The following PARD3B variants were observed in gnomAD, a reference collection of about 807,000 sequenced individuals.
The protein encoded by PARD3B is partitioning defective 3 homolog B.
A neutral mutation model predicts 130.2 loss-of-function variants in PARD3B; 103 were observed. The ratio of observed to expected loss-of-function variants is 0.79; its 90% CI spans 0.67 to 0.93. The LOEUF (loss-of-function observed/expected upper bound fraction) is 0.93, where lower values mean the gene tolerates loss of function less well. PARD3B is among the 40% of genes least tolerant of loss of function. The probability of loss-of-function intolerance (pLI) is 0.00; values close to 1 mark genes in which losing one functional copy is unlikely to be tolerated. For missense variants in PARD3B, 1,609 were observed against 1,499.2 expected, an observed-to-expected ratio of 1.07 and a Z score of -1.21; for synonymous variants, 583 against 553.2, an observed-to-expected ratio of 1.05 and a Z score of -0.76.
chr2:204,648,377 G>A (rs1325769661), intron 1 of PARD3B, among the ~76,000 whole-genome samples: 3 of 150,136 alleles, frequency 2.0e-5, no homozygotes, highest in African/African-American at 7.3e-5. Context: ...GTATTCCATT[G>A]TTGGATATAT....
intron 20 of PARD3B, among the ~76,000 whole-genome samples, chr2:205,478,405 A>G (rs1389986645): frequency 2.6e-5 from 4 of 152,296 alleles, no homozygotes; most frequent in Non-Finnish European, 5.9e-5. Context: ...AGAGCATCAC[A>G]TTGAGTGGGT....
At position 205,180,351 on chromosome 2, in the gene PARD3B, A is replaced by G. The variant is rs528470555; in HGVS notation, c.1924+3774A>G. 5.9e-5 allele frequency among the ~76,000 whole-genome samples: 9 copies of G among 152,102 alleles called. No homozygotes were observed. In the South Asian group the frequency reaches 1.9e-3, roughly 32 times the overall value. Reference sequence around the variant, plus strand: ...ATATATAAACATGATGCTATAAAAGAGTATCATGGCCATCACGTCTTTGTA... The same window carrying G: ...ATATATAAACATGATGCTATAAAAGGGTATCATGGCCATCACGTCTTTGTA... On this transcript the variant is annotated intron_variant, in intron 13 of 22. Coordinates refer to ENST00000406610, the MANE Select transcript of PARD3B (RefSeq NM_001302769.2).
At chr2:205,507,213 T>TTTTC (rs2050404502) in intron 21 of PARD3B, among the ~76,000 whole-genome samples, 1 of 117,770 alleles carries the variant, frequency 8.5e-6, no homozygotes, top group South Asian at 3.4e-4. Context: ...TTTTTTTTTT[T>TTTTC]TTTTTTTTTT....
chr2:204,740,291 G>A (rs1406300635), intron 2 of PARD3B, among the ~76,000 whole-genome samples: 1 of 152,026 alleles, frequency 6.6e-6, no homozygotes, highest in East Asian at 1.9e-4. Context: ...CAAAGGGCTG[G>A]AATTACAAGT....
intron 3 of PARD3B, among the ~76,000 whole-genome samples, chr2:204,984,481 C>T (rs1692955968): frequency 6.6e-6 from 1 of 151,832 alleles, no homozygotes; most frequent in African/African-American, 2.4e-5. Flanking sequence ...TAGCCAGGGC[C>T]CTTAGGAGAA....
At chr2:205,264,492 G>T (rs931563529) in intron 16 of PARD3B, among the ~76,000 whole-genome samples, 2 of 151,010 alleles carry the variant, frequency 1.3e-5, no homozygotes, top group Non-Finnish European at 3.0e-5. Flanking sequence ...AAGTTAAATT[G>T]ACTTATATAT....
At chr2:204,554,572 CT>C (rs1171214683) in intron 1 of PARD3B, among the ~76,000 whole-genome samples, 4 of 151,874 alleles carry the variant, frequency 2.6e-5, no homozygotes, top group African/African-American at 9.7e-5. Context: ...ACTTTTCAGT[CT>C]CTTTCCTGTT....
At chr2:205,255,812 T>TG (rs2040058109) in intron 16 of PARD3B, among the ~76,000 whole-genome samples, 1 of 152,178 alleles carries the variant, frequency 6.6e-6, no homozygotes, top group African/African-American at 2.4e-5. Context: ...CTCCGTGTGT[T>TG]CAGCAATCTA....
At chr2:204,947,110 GT>G (rs1315013368) in intron 2 of PARD3B, among the ~76,000 whole-genome samples, 6 of 152,106 alleles carry the variant, frequency 3.9e-5, no homozygotes, top group Non-Finnish European at 2.9e-5. Context: ...CAGAAATAAG[GT>G]TTAACTGAAT....
intron 20 of PARD3B, among the ~76,000 whole-genome samples, chr2:205,451,177 C>A (rs2048089391): frequency 2.0e-5 from 3 of 152,202 alleles, no homozygotes; most frequent in Admixed American, 2.0e-4. Context: ...CATGTTGCAT[C>A]ATGATTCCAA....
chr2:205,280,912 G>A lies in PARD3B; in HGVS notation c.2186-19618G>A, dbSNP rs778068447. 3.9e-5 allele frequency among the ~76,000 whole-genome samples: 6 copies of A among 152,160 alleles called. No homozygotes were observed. The highest frequency in any genetic ancestry group is 5.9e-5 in the Non-Finnish European group (4 of 68,018). ...GCTGGCTGTTTCAAGATGCTGTGGC[G>A]TATTGATTCCTTTTATTACTAGCAG... On this transcript the variant is annotated intron_variant, in intron 16 of 22. Coordinates refer to ENST00000406610, the MANE Select transcript of PARD3B (RefSeq NM_001302769.2). This position sits in a 1 kb window ranked among gnomAD's most constrained non-coding sequence, Gnocchi z 4.7.
chr2:205,063,799 A>G (rs1700198372), intron 4 of PARD3B, among the ~76,000 whole-genome samples: 2 of 152,202 alleles, frequency 1.3e-5, no homozygotes, highest in African/African-American at 2.4e-5. Context: ...GGAATAGAAC[A>G]TATAAGAGAT....
intron 18 of PARD3B, among the ~76,000 whole-genome samples, chr2:205,314,658 T>C (rs71427779): frequency 0.027 from 4,148 of 152,278 alleles, 79 homozygotes; most frequent in Non-Finnish European, 0.038. Flanking sequence ...TACAAATATT[T>C]CATTGCACAT....
intron 2 of PARD3B, among the ~76,000 whole-genome samples, chr2:204,811,196 TTTC>T (rs2125523472): frequency 6.6e-6 from 1 of 152,256 alleles, no homozygotes; most frequent in Admixed American, 6.5e-5. Context: ...TTGTGTCCTA[TTTC>T]TTCTTTATTA....
chr2:205,064,503 T>C (rs766303686), intron 4 of PARD3B, among the ~76,000 whole-genome samples: 2 of 152,172 alleles, frequency 1.3e-5, no homozygotes, highest in Non-Finnish European at 2.9e-5. Context: ...ATGGCCACTT[T>C]ACCCAAGCTA....
chr2:204,937,051 C>T (rs1317708488), intron 2 of PARD3B, among the ~76,000 whole-genome samples: 1 of 152,228 alleles, frequency 6.6e-6, no homozygotes, highest in Non-Finnish European at 1.5e-5. Context: ...ACACACAGTG[C>T]TTGAGTAACT....
intron 16 of PARD3B, among the ~76,000 whole-genome samples, chr2:205,267,545 A>G (rs977092463): frequency 1.3e-5 from 2 of 152,170 alleles, no homozygotes; most frequent in African/African-American, 2.4e-5. Context: ...GTATCACTGT[A>G]GAAGAGAGGG....
At chr2:204,619,753 A>T (rs2125126237) in intron 1 of PARD3B, among the ~76,000 whole-genome samples, 1 of 152,348 alleles carries the variant, frequency 6.6e-6, no homozygotes, top group Middle Eastern at 3.4e-3. Context: ...TCAGACCTGT[A>T]GCAGAAAGAA....
chr2:204,988,397 T>C (rs558836721), intron 3 of PARD3B, among the ~76,000 whole-genome samples: 16 of 152,198 alleles, frequency 1.1e-4, no homozygotes, highest in African/African-American at 3.6e-4. Flanking sequence ...GTATAAAAAA[T>C]AGAATGAATA....
Sources: gnomAD v4.1 joint callset for allele counts (sites outside exome capture counted in the v4.1 genomes callset) on GRCh38, gnomAD v4.1.1 for gene constraint, Gnocchi (gnomAD v3.1) non-coding constraint, MANE v1.5 for transcripts, NCBI Gene and HGNC (gene_info 2026-07-23, HGNC 2026-07-21) for gene names.